Variants in MCTP2 observed in about 807,000 individuals in gnomAD.
MCTP2 encodes multiple C2 and transmembrane domain containing 2.
In MCTP2, 132 loss-of-function variants were observed where a neutral mutation model predicts 111.6. The ratio of observed to expected loss-of-function variants is 1.18; its 90% CI spans 1.03 to 1.37. MCTP2 has a LOEUF of 1.37. MCTP2 is among the 40% of genes most tolerant of loss of function. MCTP2 has a pLI of 0.00. For missense variants in MCTP2, 1,183 were observed against 1,067.9 expected (o/e 1.11, Z -1.50); for synonymous variants, 395 against 387.7 (o/e 1.02, Z -0.22).
intron 10 of MCTP2, among the ~76,000 whole-genome samples, chr15:94,362,466 A>C (rs1002502043): frequency 1.3e-5 from 2 of 152,198 alleles, no homozygotes; most frequent in Non-Finnish European, 2.9e-5. Context: ...TCAGTCCCAG[A>C]TGGTGCTGTA....
intron 4 of MCTP2, among the ~76,000 whole-genome samples, chr15:94,331,994 TG>T (rs1329655349): frequency 6.6e-6 from 1 of 152,204 alleles, no homozygotes; most frequent in African/African-American, 2.4e-5. Context: ...ATGATAAGCC[TG>T]GGAATGTGCA....
At chr15:94,264,179 G>A (rs1287473883) in intron 1 of MCTP2, among the ~76,000 whole-genome samples, 1 of 152,164 alleles carries the variant, frequency 6.6e-6, no homozygotes, top group African/African-American at 2.4e-5. Flanking sequence ...AATGGGAAGT[G>A]TCACAGTGTA....
intron 4 of MCTP2, among the ~76,000 whole-genome samples, chr15:94,317,349 C>T (rs996062549): frequency 1.3e-5 from 2 of 152,056 alleles, no homozygotes; most frequent in Non-Finnish European, 2.9e-5. Flanking sequence ...TGAGGAGAGC[C>T]GGGGCATGCT....
chr15:94,429,011 A>G (rs1191987320), intron 17 of MCTP2, among the ~76,000 whole-genome samples: 2 of 152,156 alleles, frequency 1.3e-5, no homozygotes, highest in African/African-American at 4.8e-5. Flanking sequence ...AGACAATTTC[A>G]TAACTTCTCT....
intron 1 of MCTP2, among the ~76,000 whole-genome samples, chr15:94,243,402 T>A (rs1157566872): frequency 2.7e-5 from 4 of 148,432 alleles, no homozygotes; most frequent in African/African-American, 7.4e-5. Context: ...TATATGCGTA[T>A]GTACATACAT....
At position 94,335,376 on chromosome 15, in the gene MCTP2, AC is replaced by A. The variant is rs2077313827; in HGVS notation, c.638-3912del. Among the ~76,000 whole-genome samples, 3 of 152,374 alleles carry A rather than the reference AC, an allele frequency of 2.0e-5. No homozygotes were observed. The East Asian group carries it at 5.8e-4, about 29-fold the overall frequency. On this transcript the variant is annotated intron_variant, in intron 4 of 22. Coordinates refer to ENST00000357742, the MANE Select transcript of MCTP2 (RefSeq NM_001385001.1). ...GACATTGCTTCTAAACAGGATGTTAACCTACAAAGCCGTAAATACAACTTAG... is the reference window on the plus strand; with the variant it reads ...GACATTGCTTCTAAACAGGATGTTAACTACAAAGCCGTAAATACAACTTAG...
intron 1 of MCTP2, among the ~76,000 whole-genome samples, chr15:94,279,016 A>G (rs1429685677): frequency 5.9e-5 from 9 of 152,120 alleles, no homozygotes; most frequent in African/African-American, 9.7e-5. Flanking sequence ...TACAGTTGCT[A>G]TAGCCTTGCA....
intron 1 of MCTP2, among the ~76,000 whole-genome samples, chr15:94,282,763 T>G (rs565255762): frequency 2.6e-5 from 4 of 152,204 alleles, no homozygotes; most frequent in Non-Finnish European, 5.9e-5. Flanking sequence ...GTAGTGCAAA[T>G]TAGGTTTAGC....
At chr15:94,341,181 T>A (rs2152404664) in intron 7 of MCTP2, 2 of 381,202 alleles carry the variant, frequency 5.2e-6, no homozygotes, top group South Asian at 6.6e-5. Context: ...AGCATTTTGG[T>A]TTCTTCTTTC....
intron 17 of MCTP2, among the ~76,000 whole-genome samples, chr15:94,404,462 C>T (rs552396142): frequency 7.2e-5 from 11 of 151,820 alleles, no homozygotes; most frequent in African/African-American, 9.7e-5. Context: ...CCACCATGCC[C>T]GGCTAATTTT....
At chr15:94,456,827 C>T (rs1383622190) in intron 19 of MCTP2, among the ~76,000 whole-genome samples, 2 of 152,076 alleles carry the variant, frequency 1.3e-5, no homozygotes, top group Non-Finnish European at 2.9e-5. Context: ...AGCCTCTGTT[C>T]TTCCTTTGTC....
chr15:94,300,680 G>C (rs1331600297), intron 2 of MCTP2, among the ~76,000 whole-genome samples: 1 of 152,066 alleles, frequency 6.6e-6, no homozygotes, highest in Non-Finnish European at 1.5e-5. Context: ...GAGCATAAGA[G>C]GCTACTGGAT....
intron 1 of MCTP2, among the ~76,000 whole-genome samples, chr15:94,243,877 A>G (rs1383243383): frequency 6.7e-6 from 1 of 148,158 alleles, no homozygotes; most frequent in African/African-American, 2.5e-5. Context: ...ATGTGTATAT[A>G]TTTATGTACA....
chr15:94,435,692 C>T (rs1252332431), intron 17 of MCTP2, among the ~76,000 whole-genome samples: 2 of 124,482 alleles, frequency 1.6e-5, no homozygotes, highest in African/African-American at 3.0e-5. Flanking sequence ...AGTGCAGTGG[C>T]GCGATCTCGG....
intron 12 of MCTP2, among the ~76,000 whole-genome samples, chr15:94,379,534 T>G (rs1452487924): frequency 6.6e-6 from 1 of 151,834 alleles, no homozygotes; most frequent in Non-Finnish European, 1.5e-5. Flanking sequence ...CTACCCCTTG[T>G]ATTGTATTGA....
At chr15:94,288,761 T>A (rs2074886673) in intron 1 of MCTP2, among the ~76,000 whole-genome samples, 1 of 152,152 alleles carries the variant, frequency 6.6e-6, no homozygotes, top group South Asian at 2.1e-4. Flanking sequence ...AAATGAATAA[T>A]CATGAGTCTT....
chr15:94,264,177 G>A (rs1399425021), intron 1 of MCTP2, among the ~76,000 whole-genome samples: 1 of 152,182 alleles, frequency 6.6e-6, no homozygotes, highest in Non-Finnish European at 1.5e-5. Flanking sequence ...GAAATGGGAA[G>A]TGTCACAGTG....
At chr15:94,418,464 A>G (rs567134131) in intron 17 of MCTP2, among the ~76,000 whole-genome samples, 1 of 152,106 alleles carries the variant, frequency 6.6e-6, no homozygotes, top group African/African-American at 2.4e-5. Context: ...CAGACTTTCA[A>G]CTGCTCAATT....
intron 1 of MCTP2, among the ~76,000 whole-genome samples, chr15:94,259,860 C>T (rs1164923261): frequency 6.6e-6 from 1 of 152,150 alleles, no homozygotes; most frequent in Non-Finnish European, 1.5e-5. Flanking sequence ...CTGATTCAGT[C>T]ATTTGTAAAC....
Sources: gnomAD v4.1 joint callset for allele counts (sites outside exome capture counted in the v4.1 genomes callset) on GRCh38, gnomAD v4.1.1 for gene constraint, MANE v1.5 for transcripts, NCBI Gene and HGNC (gene_info 2026-07-23, HGNC 2026-07-21) for gene names.